EPG5: variants seen among roughly 807,000 people sequenced by gnomAD.
EPG5 encodes ectopic P granules protein 5 homolog.
Under a neutral mutation model 302.7 loss-of-function variants are expected in EPG5, and 159 were observed. That is an observed-to-expected ratio of 0.53 (90% CI 0.46 to 0.60). The LOEUF (loss-of-function observed/expected upper bound fraction) is 0.60, where lower values mean the gene tolerates loss of function less well. EPG5 is among the 20% of genes least tolerant of loss of function. EPG5 has a pLI of 0.00. For synonymous variants in EPG5, 1,158 were observed against 1,136.8 expected, an observed-to-expected ratio of 1.02 and a Z score of -0.37; for missense variants, 2,896 against 3,092.4, an observed-to-expected ratio of 0.94 and a Z score of 1.51.
In EPG5 at chr18:45,857,848, C is replaced by T. The variant is rs1177839830; in HGVS notation, c.7442+5G>A. On this transcript the variant is annotated splice_donor_5th_base_variant and intron_variant, in intron 42 of 43. Transcript: ENST00000282041. ...AACAACAGTGTTAGAAAGGCGCTTCCTTACCTGTTAGACAAAGGCGACTTC... is the reference window on the plus strand; with the variant it reads ...AACAACAGTGTTAGAAAGGCGCTTCTTTACCTGTTAGACAAAGGCGACTTC... 5.0e-6 allele frequency: 8 copies of T among 1,611,642 alleles called. No individual in the cohort carries two copies. The highest frequency in any genetic ancestry group is 6.8e-6 in the Non-Finnish European group (8 of 1,179,626).
intron 27 of EPG5, among the ~76,000 whole-genome samples, chr18:45,892,352 T>TA (rs2049371042): frequency 6.6e-6 from 1 of 152,198 alleles, no homozygotes; most frequent in Non-Finnish European, 1.5e-5. Flanking sequence ...CAAGAAGTAG[T>TA]AGACAATAGA....
the EPG5 span, chr18:45,838,736 AC>A: frequency 6.3e-7 from 1 of 1,577,446 alleles, no homozygotes; most frequent in South Asian, 1.1e-5. Context: ...CGGATCGTCA[AC>A]ATCTCGGTGC....
At chr18:45,948,460 GA>G (rs1385509179) in intron 6 of EPG5, 42 bp downstream of exon 6, 1 of 1,478,520 alleles carries the variant, frequency 6.8e-7, no homozygotes, top group South Asian at 1.1e-5. Context: ...TTAGAAGAAA[GA>G]AGCATTTCAA....
intron 9 of EPG5, among the ~76,000 whole-genome samples, chr18:45,941,726 C>A (rs970241473): frequency 6.6e-6 from 1 of 152,184 alleles, no homozygotes; most frequent in African/African-American, 2.4e-5. Flanking sequence ...AATCCTACAT[C>A]ATGTAAGTGA....
At chr18:45,927,613 C>CACACAT (rs2050304821) in intron 13 of EPG5, among the ~76,000 whole-genome samples, 2 of 151,608 alleles carry the variant, frequency 1.3e-5, no homozygotes, top group Non-Finnish European at 2.9e-5. Flanking sequence ...CACACACACA[C>CACACAT]ACACACACAC....
the EPG5 span, among the ~76,000 whole-genome samples, chr18:45,818,019 T>C: frequency 6.6e-6 from 1 of 152,210 alleles, no homozygotes; most frequent in African/African-American, 2.4e-5. Context: ...TAGCCCCTTT[T>C]TCTGTTAACA....
At chr18:45,900,136 C>T (rs144491999) in intron 26 of EPG5, among the ~76,000 whole-genome samples, 579 of 152,254 alleles carry the variant, frequency 3.8e-3, no homozygotes, top group African/African-American at 0.013. Context: ...GGCGTGGTGG[C>T]TCACGCCTGT....
At chr18:45,805,783 A>T in the EPG5 span, among the ~76,000 whole-genome samples, 1 of 152,218 alleles carries the variant, frequency 6.6e-6, no homozygotes, top group African/African-American at 2.4e-5. Context: ...TTAAAATGTC[A>T]TTGGGAAAAC....
intron 25 of EPG5, 73 bp from the exon 26 acceptor site, chr18:45,901,240 T>C: frequency 7.7e-7 from 1 of 1,291,442 alleles, no homozygotes; most frequent in Non-Finnish European, 1.1e-6. Flanking sequence ...TGTGGTACAA[T>C]TCAGTAGAAT....
intron 9 of EPG5, among the ~76,000 whole-genome samples, chr18:45,940,766 G>GCATTTT: frequency 6.6e-6 from 1 of 152,142 alleles, no homozygotes; most frequent in South Asian, 2.1e-4. Context: ...TTTGATGGTG[G>GCATTTT]AGATGATAAA....
intron 27 of EPG5, among the ~76,000 whole-genome samples, chr18:45,895,412 T>C (rs1451255115): frequency 6.6e-6 from 1 of 151,830 alleles, no homozygotes; most frequent in Non-Finnish European, 1.5e-5. Flanking sequence ...TTTTGAACTA[T>C]TCTGAGATCT....
intron 9 of EPG5, among the ~76,000 whole-genome samples, chr18:45,942,689 A>G (rs904415542): frequency 5.9e-5 from 9 of 152,178 alleles, no homozygotes; most frequent in Admixed American, 1.3e-4. Context: ...AGTTTTATGG[A>G]GTTTCTTTTG....
At chr18:45,890,022 T>C (rs1416320681) in intron 27 of EPG5, 82 bp from the exon 28 acceptor site, 8 of 1,258,630 alleles carry the variant, frequency 6.4e-6, no homozygotes, top group Admixed American at 2.6e-5. Flanking sequence ...AATAAAATTA[T>C]TGTCTTATAA....
Position 45,955,293 on chromosome 18 carries a change from C to T in EPG5, c.109G>A (p.Val37Ile). The T allele has an allele frequency of 6.2e-7, 1 of 1,612,040 alleles. No individual in the cohort carries two copies. The highest frequency in any genetic ancestry group is 8.5e-7 in the Non-Finnish European group (1 of 1,179,032). Residue 37 changes from valine (V) to isoleucine (I), a missense_variant, in exon 2 of 44, where the codon GTC (valine) becomes ATC (isoleucine). By Grantham distance (29) the Val-to-Ile change is conservative (BLOSUM62 3). Coordinates refer to ENST00000282041, the MANE Select transcript of EPG5 (RefSeq NM_020964.3). Reference protein sequence around the residue: ...ETPQREESSEVSLPKTSREQE... With the variant: ...ETPQREESSEISLPKTSREQE... ...TCTCTGGAGGTTTTTGGAAGGGAGA[C>T]TTCACTGGACTCTTCCCTCTGAGGA...
the EPG5 span, chr18:45,837,543 T>C: frequency 1.3e-6 from 2 of 1,517,648 alleles, no homozygotes; most frequent in Non-Finnish European, 1.8e-6. Flanking sequence ...TCCATGCAGG[T>C]GCCACCCGAG....
At chr18:45,949,413 A>T in intron 5 of EPG5, 71 bp downstream of exon 5, 1 of 835,204 alleles carries the variant, frequency 1.2e-6, no homozygotes, top group Non-Finnish European at 1.9e-6. Flanking sequence ...TTTTTCAGCA[A>T]TTTCTTCAGG....
rs780753100 is a variant in EPG5 at position 45,887,920 on chromosome 18, G to A, written c.4953-13C>T. 1.3e-6 allele frequency: 2 copies of A among 1,543,598 alleles called. No individual in the cohort carries two copies. The highest frequency in any genetic ancestry group is 8.8e-7 in the Non-Finnish European group (1 of 1,130,942). ...ATTCACTAAGGCCCTGTGGGAAAATGTGGGTAAGACTGCAGTCTACAGTAA... is the reference window on the plus strand; with the variant it reads ...ATTCACTAAGGCCCTGTGGGAAAATATGGGTAAGACTGCAGTCTACAGTAA... On this transcript the variant is annotated splice_polypyrimidine_tract_variant and intron_variant, in intron 28 of 43. Transcript: ENST00000282041.
chr18:45,894,505 T>C (rs1353735466), intron 27 of EPG5, among the ~76,000 whole-genome samples: 2 of 151,898 alleles, frequency 1.3e-5, no homozygotes, highest in African/African-American at 4.8e-5. Flanking sequence ...ATGGAAACCT[T>C]ATTCCCAAAG....
At position 45,852,533 on chromosome 18, in the gene EPG5, T is replaced by C. The variant is rs1555658766; in HGVS notation, c.7674A>G (p.Lys2558=). 3 of 1,614,204 alleles carry C rather than the reference T, an allele frequency of 1.9e-6. No homozygotes were observed. The highest frequency in any genetic ancestry group is 2.7e-5 in the African/African-American group (2 of 75,064). The change falls in exon 44 of 44, where the codon AAA becomes AAG. Residue 2558 remains lysine (K), a synonymous_variant. Coordinates refer to ENST00000282041, the MANE Select transcript of EPG5 (RefSeq NM_020964.3). ...RHPGHCLQDG[K]SFLALLVNCL... is the part of the protein sequence containing the mutation. ...AGTTAACGAGAAGAGCCAAGAAGCT[T>C]TTCCCATCTTGAAGGCAATGGCCAG... is the stretch of plus-strand genomic sequence containing the variant.
Sources: gnomAD v4.1 joint callset for allele counts (sites outside exome capture counted in the v4.1 genomes callset) on GRCh38, gnomAD v4.1.1 for gene constraint, MANE v1.5 for transcripts, NCBI Gene and HGNC (gene_info 2026-07-23, HGNC 2026-07-21) for gene names.